ADGRV1: variants seen among roughly 807,000 people sequenced by gnomAD.
ADGRV1 encodes G-protein coupled receptor 98.
In ADGRV1, 359 loss-of-function variants were observed where a neutral mutation model predicts 596.2. That is an observed-to-expected ratio of 0.60 (90% CI 0.55 to 0.66). ADGRV1 has a LOEUF of 0.66. Ranked by LOEUF, ADGRV1 falls within the 30% of genes least tolerant of loss-of-function variation. The pLI is 0.00. For missense variants in ADGRV1, 7,274 were observed against 7,575.6 expected (o/e 0.96, Z 1.48); for synonymous variants, 2,681 against 2,679.2 (o/e 1.00, Z -0.02).
intron 50 of ADGRV1, among the ~76,000 whole-genome samples, chr5:90,739,588 T>C (rs1211650441): frequency 6.6e-6 from 1 of 152,228 alleles, no homozygotes; most frequent in African/African-American, 2.4e-5. Flanking sequence ...GGCTGTGCTC[T>C]GAGATCCAGT....
intron 87 of ADGRV1, among the ~76,000 whole-genome samples, chr5:91,106,862 G>C (rs1455676963): frequency 6.6e-6 from 1 of 152,308 alleles, no homozygotes; most frequent in East Asian, 1.9e-4. Context: ...GAAAGAAATT[G>C]TTAATGAGTG....
Position 90,672,643 on chromosome 5 carries a change from C to T in ADGRV1, c.4850C>T (p.Thr1617Ile). The T allele has an allele frequency of 1.2e-6, 2 of 1,613,574 alleles. No individual in the cohort carries two copies. Among genetic ancestry groups the T allele is most frequent in the South Asian group, 2.2e-5 (2 of 91,066 alleles). ...HVFYTISQIE[T>I]DGINYLVDDF... is the part of the protein sequence containing the mutation. The stretch of plus-strand genomic sequence containing the variant: ...TTTTACACCATTTCACAGATTGAAA[C>T]TGATGGCATTAATTACCTTGTTGAT... The change falls in exon 22 of 90, where the codon ACT becomes ATT. Residue 1617 changes from threonine (T) to isoleucine (I), a missense_variant. By Grantham distance (89) the Thr-to-Ile change is moderately conservative. Coordinates refer to ENST00000405460, the MANE Select transcript of ADGRV1 (RefSeq NM_032119.4).
rs769915981 is a variant in ADGRV1 at position 90,783,197 on chromosome 5, T to C, written c.13305T>C (p.Asp4435=). The C allele has an allele frequency of 6.2e-7, 1 of 1,613,706 alleles. No individual in the cohort carries two copies. Among genetic ancestry groups the C allele is most frequent in the Non-Finnish European group, 8.5e-7 (1 of 1,179,660 alleles). Residue 4435 remains aspartate, a synonymous_variant, in exon 66 of 90, where the codon GAT becomes GAC. Coordinates refer to ENST00000405460, the MANE Select transcript of ADGRV1 (RefSeq NM_032119.4). ...LHGTYGYVTA[D]FISQSSSASP... Reference sequence around the variant, plus strand: ...GAACTTATGGCTATGTGACAGCTGATTTCATCTCTCAGAGCTCCTCTGCCA... The same window carrying C: ...GAACTTATGGCTATGTGACAGCTGACTTCATCTCTCAGAGCTCCTCTGCCA...
At chr5:90,865,592 C>T (rs1185774148) in intron 83 of ADGRV1, among the ~76,000 whole-genome samples, 1 of 152,068 alleles carries the variant, frequency 6.6e-6, no homozygotes, top group Non-Finnish European at 1.5e-5. Context: ...CATGAAAAAT[C>T]ATGTAGTGTA....
chr5:90,617,718 T>G (rs537648708), intron 2 of ADGRV1, 86 bp from the exon 3 acceptor site: 1 of 1,135,532 alleles, frequency 8.8e-7, no homozygotes, highest in South Asian at 1.7e-5. Flanking sequence ...ATTTATGCTT[T>G]TTCTCTTGAT....
At chr5:90,759,622 C>T (rs981673581) in intron 58 of ADGRV1, 34 bp downstream of exon 58, 4 of 1,576,232 alleles carry the variant, frequency 2.5e-6, no homozygotes, top group South Asian at 1.1e-5. Flanking sequence ...AGCCTTGTTT[C>T]AGGCTAGCGT....
chr5:90,840,544 T>C (rs748279130), intron 77 of ADGRV1, 34 bp from the exon 78 acceptor site: 3 of 1,529,804 alleles, frequency 2.0e-6, no homozygotes, highest in South Asian at 2.6e-5. Context: ...AGAGGTGTCA[T>C]AGATTCACTT....
At chr5:90,781,780 A>T (rs1438851125) in intron 65 of ADGRV1, among the ~76,000 whole-genome samples, 1 of 152,164 alleles carries the variant, frequency 6.6e-6, no homozygotes, top group East Asian at 1.9e-4. Context: ...TGTGAATGGC[A>T]ATGTTAGGAA....
Position 90,681,369 on chromosome 5 carries a change from C to T in ADGRV1, c.5579C>T (p.Ala1860Val), listed in dbSNP as rs1561515529. 6.2e-7 allele frequency: 1 copy of T among 1,613,888 alleles called. No homozygotes were observed. Among genetic ancestry groups the T allele is most frequent in the Non-Finnish European group, 8.5e-7 (1 of 1,179,806 alleles). The change falls in exon 27 of 90, where the codon GCT (alanine) becomes GTT (valine). Residue 1860 changes from alanine to valine, a missense_variant. Ala to Val is a moderately conservative substitution (Grantham distance 64). Coordinates refer to ENST00000405460, the MANE Select transcript of ADGRV1 (RefSeq NM_032119.4). ...ILVTIAASDHAHGVFEFSPES... is the reference protein window; with the variant it reads ...ILVTIAASDHVHGVFEFSPES... ...GTGACAATTGCAGCCTCTGACCACG[C>T]TCATGGCGTATTTGAATTTAGCCCT...
chr5:90,988,373 G>A (rs1014849879), intron 85 of ADGRV1, among the ~76,000 whole-genome samples: 9 of 152,240 alleles, frequency 5.9e-5, no homozygotes, highest in Admixed American at 2.6e-4. Flanking sequence ...TATAGACAAA[G>A]TCCAAAATTT....
chr5:90,866,315 A>ATGTGTGTG (rs149341618), intron 83 of ADGRV1, among the ~76,000 whole-genome samples: 22,649 of 138,078 alleles, frequency 0.16, 1,764 homozygotes, highest in East Asian at 0.26. Flanking sequence ...GTATGTGTAT[A>ATGTGTGTG]TGTGTGTGTG....
chr5:90,705,688 A>T (rs977975105), intron 37 of ADGRV1, 109 bp downstream of exon 37: 4 of 796,888 alleles, frequency 5.0e-6, no homozygotes, highest in Non-Finnish European at 6.0e-6. Flanking sequence ...GAGAAAATTA[A>T]TATTTCTTCA....
At chr5:90,827,682 A>T (rs1764180133) in intron 76 of ADGRV1, among the ~76,000 whole-genome samples, 1 of 152,204 alleles carries the variant, frequency 6.6e-6, no homozygotes, top group Non-Finnish European at 1.5e-5. Flanking sequence ...GTTTCTCAAA[A>T]GTGGACACAG....
intron 83 of ADGRV1, among the ~76,000 whole-genome samples, chr5:90,864,165 CATTTT>C (rs1377944439): frequency 2.0e-5 from 3 of 151,702 alleles, no homozygotes; most frequent in Non-Finnish European, 4.4e-5. Context: ...TTAAAATTAA[CATTTT>C]ATTAATCTGT....
chr5:90,864,106 C>T (rs1767868239), intron 83 of ADGRV1, among the ~76,000 whole-genome samples: 1 of 151,806 alleles, frequency 6.6e-6, no homozygotes, highest in Admixed American at 6.6e-5. Context: ...CACAAAGCAT[C>T]TTATTGTCAG....
intron 50 of ADGRV1, among the ~76,000 whole-genome samples, chr5:90,733,263 A>G (rs560544243): frequency 6.6e-6 from 1 of 152,306 alleles, no homozygotes; most frequent in African/African-American, 2.4e-5. Flanking sequence ...TTAAATTAGG[A>G]AAAGACACAG....
At chr5:91,011,589 G>A (rs1361301177) in intron 85 of ADGRV1, among the ~76,000 whole-genome samples, 1 of 151,888 alleles carries the variant, frequency 6.6e-6, no homozygotes, top group Non-Finnish European at 1.5e-5. Flanking sequence ...TTAATACATT[G>A]TGTATATATC....
intron 83 of ADGRV1, among the ~76,000 whole-genome samples, chr5:90,948,044 A>G (rs570176760): frequency 6.6e-6 from 1 of 152,202 alleles, no homozygotes; most frequent in East Asian, 1.9e-4. Flanking sequence ...TTGAGCAGAA[A>G]TGTTTGAGAT....
intron 83 of ADGRV1, among the ~76,000 whole-genome samples, chr5:90,884,168 G>C (rs74442233): frequency 6.6e-6 from 1 of 152,100 alleles, no homozygotes; most frequent in Non-Finnish European, 1.5e-5. Flanking sequence ...GTGGGGCACT[G>C]TCCTGTGTAT....
Sources: allele counts gnomAD v4.1 joint callset (sites outside exome capture counted in the v4.1 genomes callset), GRCh38; gene constraint gnomAD v4.1.1; transcripts MANE v1.5; gene names NCBI Gene and HGNC (gene_info 2026-07-23, HGNC 2026-07-21).